Variants in RERE observed in about 807,000 individuals in gnomAD.
RERE encodes arginine-glutamic acid dipeptide repeats protein.
In RERE, 40 loss-of-function variants were observed where a neutral mutation model predicts 146.1. That is an observed-to-expected ratio of 0.27 (90% CI 0.21 to 0.36). The LOEUF is 0.36. Ranked by LOEUF, RERE falls within the 10% of genes least tolerant of loss-of-function variation. RERE has a pLI of 1.00. For missense variants in RERE, 1,933 were observed against 2,138.7 expected (o/e 0.90, Z 1.90); for synonymous variants, 1,003 against 866.0 (o/e 1.16, Z -2.78).
chr1:8,715,839 G>C (rs1283787198), intron 1 of RERE, among the ~76,000 whole-genome samples: 1 of 150,022 alleles, frequency 6.7e-6, no homozygotes, highest in East Asian at 2.0e-4. Context: ...GAAAGTAGAA[G>C]TTGCAGTGAG....
chr1:8,476,377 G>T (rs1212170778), intron 10 of RERE, among the ~76,000 whole-genome samples: 1 of 152,162 alleles, frequency 6.6e-6, no homozygotes, highest in Non-Finnish European at 1.5e-5. Context: ...CAGGCAATCT[G>T]GTGGGAGCAA....
intron 4 of RERE, among the ~76,000 whole-genome samples, chr1:8,582,814 T>C (rs1385938498): frequency 6.6e-6 from 1 of 152,188 alleles, no homozygotes; most frequent in Non-Finnish European, 1.5e-5. Flanking sequence ...GAGAACAGCA[T>C]ATTCTCACCA....
chr1:8,757,453 C>T (rs1016109870), intron 1 of RERE, among the ~76,000 whole-genome samples: 2 of 152,188 alleles, frequency 1.3e-5, no homozygotes, highest in Non-Finnish European at 2.9e-5. Flanking sequence ...TAATGTAATA[C>T]TAAATAGGAT....
intron 11 of RERE, 33 bp downstream of exon 11, chr1:8,465,892 C>G: frequency 5.0e-6 from 8 of 1,589,534 alleles, no homozygotes; most frequent in Non-Finnish European, 6.9e-6. Flanking sequence ...CCCGATGCCC[C>G]AGAGCACAAG....
intron 1 of RERE, chr1:8,798,503 G>T: frequency 4.7e-6 from 1 of 211,522 alleles, no homozygotes; most frequent in Non-Finnish European, 1.0e-5. Context: ...GGAAAGTGGT[G>T]CTGTTCTGGC....
chr1:8,421,467 T>C (rs1037673457), intron 12 of RERE, among the ~76,000 whole-genome samples: 1 of 152,138 alleles, frequency 6.6e-6, no homozygotes, highest in African/African-American at 2.4e-5. Flanking sequence ...GGTTTCTCTC[T>C]CTCTGTTTTT....
At chr1:8,808,097 T>C (rs1641723832) in intron 1 of RERE, among the ~76,000 whole-genome samples, 1 of 142,780 alleles carries the variant, frequency 7.0e-6, no homozygotes, top group South Asian at 2.2e-4. Context: ...TGAGCCGTGA[T>C]CATGCACCAC....
intron 1 of RERE, among the ~76,000 whole-genome samples, chr1:8,794,812 G>A (rs1450448539): frequency 6.6e-6 from 1 of 152,038 alleles, no homozygotes. Context: ...CTGCCAGAAG[G>A]TGGGGAGGGA....
intron 8 of RERE, among the ~76,000 whole-genome samples, chr1:8,503,691 A>T (rs1323312712): frequency 6.6e-6 from 1 of 152,220 alleles, no homozygotes; most frequent in African/African-American, 2.4e-5. Flanking sequence ...AAGCTTAAAT[A>T]ATAATAATCT....
In RERE at chr1:8,364,810, G is replaced by A. The variant is rs150523765; in HGVS notation, c.1476C>T (p.Asp492=). The A allele has an allele frequency of 6.8e-6, 11 of 1,609,036 alleles. No individual in the cohort carries two copies. In the African/African-American group the frequency reaches 1.1e-4, roughly 16 times the overall value. ...CCTGCTCACTGTCCTCACTGTCGAAGTCATCTTCACTGGCTGAACTTAGGT... is the reference window on the plus strand; with the variant it reads ...CCTGCTCACTGTCCTCACTGTCGAAATCATCTTCACTGGCTGAACTTAGGT... ...FLDLSSASED[D]FDSEDSEQEL... Residue 492 remains aspartate, a synonymous_variant, in exon 14 of 23, where the codon GAC becomes GAT. Transcript: ENST00000400908. This position sits in a 1 kb window ranked among gnomAD's most constrained non-coding sequence, Gnocchi z 5.1.
At chr1:8,742,888 T>G (rs868618674) in intron 1 of RERE, among the ~76,000 whole-genome samples, 8 of 147,270 alleles carry the variant, frequency 5.4e-5, no homozygotes, top group South Asian at 4.2e-4. Flanking sequence ...AAAAAAAAAG[T>G]ATAATCTTGA....
At chr1:8,700,892 G>A (rs1162942724) in intron 1 of RERE, among the ~76,000 whole-genome samples, 3 of 152,008 alleles carry the variant, frequency 2.0e-5, no homozygotes, top group Non-Finnish European at 4.4e-5. Flanking sequence ...CTACTAATAA[G>A]TTACATGGTT....
chr1:8,586,584 G>A (rs899583262), intron 4 of RERE, among the ~76,000 whole-genome samples: 1 of 152,126 alleles, frequency 6.6e-6, no homozygotes, highest in East Asian at 1.9e-4. Flanking sequence ...CAGGAGAAGG[G>A]AAGCGAATCT....
At chr1:8,505,250 T>A (rs950540726) in intron 8 of RERE, among the ~76,000 whole-genome samples, 1 of 152,182 alleles carries the variant, frequency 6.6e-6, no homozygotes, top group Non-Finnish European at 1.5e-5. Flanking sequence ...AGACAGACAA[T>A]TAGGGAAATC....
At chr1:8,597,010 A>G (rs368049885) in intron 4 of RERE, among the ~76,000 whole-genome samples, 2 of 152,202 alleles carry the variant, frequency 1.3e-5, no homozygotes, top group South Asian at 2.1e-4. Flanking sequence ...GAGCCAATAA[A>G]AGGAAAAGTT....
chr1:8,807,388 G>C (rs1463542228), intron 1 of RERE, among the ~76,000 whole-genome samples: 2 of 151,988 alleles, frequency 1.3e-5, no homozygotes, highest in Non-Finnish European at 2.9e-5. Context: ...TTGCAGTTCC[G>C]CCGCCCCCCA....
At chr1:8,389,694 C>A (rs963003358) in intron 12 of RERE, among the ~76,000 whole-genome samples, 4 of 152,170 alleles carry the variant, frequency 2.6e-5, no homozygotes, top group African/African-American at 9.7e-5. Flanking sequence ...CGGGGAGCCA[C>A]CACGGAAGGT....
chr1:8,686,226 G>A (rs748035760), intron 1 of RERE, among the ~76,000 whole-genome samples: 18 of 151,998 alleles, frequency 1.2e-4, no homozygotes, highest in Non-Finnish European at 2.4e-4. Flanking sequence ...CAAGCAATCC[G>A]CTCGTCTTGG....
chr1:8,759,908 G>C (rs1008077758), intron 1 of RERE, among the ~76,000 whole-genome samples: 4 of 150,972 alleles, frequency 2.6e-5, no homozygotes, highest in Admixed American at 2.0e-4. Flanking sequence ...CTATTACACT[G>C]TATAAATCTA....
Sources: gnomAD v4.1 joint callset for allele counts (sites outside exome capture counted in the v4.1 genomes callset) on GRCh38, gnomAD v4.1.1 for gene constraint, Gnocchi (gnomAD v3.1) non-coding constraint, MANE v1.5 for transcripts, NCBI Gene and HGNC (gene_info 2026-07-23, HGNC 2026-07-21) for gene names.